LDLRAD3: variants seen among roughly 807,000 people sequenced by gnomAD.
The protein encoded by LDLRAD3 is low-density lipoprotein receptor class A domain-containing protein 3.
In LDLRAD3, 20 loss-of-function variants were observed where a neutral mutation model predicts 29.4. That is an observed-to-expected ratio of 0.68 (90% CI 0.48 to 0.99). The LOEUF is 0.99. Among genes scored for constraint, LDLRAD3 ranks in the 50% least tolerant of loss-of-function variants. The pLI is 0.00. For synonymous variants in LDLRAD3, 157 were observed against 192.7 expected (o/e 0.81, Z 1.53); for missense variants, 420 against 454.3 (o/e 0.92, Z 0.69).
chr11:36,107,203 TC>T (rs1355824642), intron 4 of LDLRAD3, among the ~76,000 whole-genome samples: 27 of 151,880 alleles, frequency 1.8e-4, no homozygotes, highest in Non-Finnish European at 2.9e-4. Flanking sequence ...TTTTTCTTTT[TC>T]TTTTTTTTTT....
At position 36,141,881 on chromosome 11, in the gene LDLRAD3, C is replaced by G. The variant is rs149994130; in HGVS notation, c.454+43420C>G. Among the ~76,000 whole-genome samples, 308 of 152,324 alleles carry G rather than the reference C, an allele frequency of 2.0e-3. 2 individuals carry two copies. The highest frequency in any genetic ancestry group is 6.8e-3 in the African/African-American group (284 of 41,570). On this transcript the variant is annotated intron_variant, in intron 4 of 5. Transcript: ENST00000315571. ...GCTAAAACACAGTGCATAGCCTCAT[C>G]TGCATTTCTGAAGGCAATAAATTCC...
intron 4 of LDLRAD3, among the ~76,000 whole-genome samples, chr11:36,098,872 C>T (rs960166711): frequency 6.6e-6 from 1 of 152,158 alleles, no homozygotes; most frequent in East Asian, 1.9e-4. Flanking sequence ...TGTTACACCT[C>T]AGCATGCAGC....
intron 1 of LDLRAD3, among the ~76,000 whole-genome samples, chr11:35,985,764 A>G (rs558610591): frequency 1.4e-3 from 211 of 151,866 alleles, no homozygotes; most frequent in Non-Finnish European, 2.4e-3. Context: ...ACCATGTAAG[A>G]TGTGCCTTTG....
intron 1 of LDLRAD3, among the ~76,000 whole-genome samples, chr11:36,015,682 C>T (rs1413264075): frequency 6.6e-6 from 1 of 151,612 alleles, no homozygotes; most frequent in African/African-American, 2.4e-5. Context: ...ACTGTTCTGA[C>T]TTCCAACATC....
At chr11:35,956,088 A>G (rs181262701) in intron 1 of LDLRAD3, among the ~76,000 whole-genome samples, 244 of 152,380 alleles carry the variant, frequency 1.6e-3, no homozygotes, top group African/African-American at 5.6e-3. Flanking sequence ...GGAATTTACA[A>G]GAGCAGCTTC....
chr11:36,054,761 GGATGGATGGATA>G (rs1378039397), intron 2 of LDLRAD3, among the ~76,000 whole-genome samples: 1 of 151,390 alleles, frequency 6.6e-6, no homozygotes, highest in Non-Finnish European at 1.5e-5. Flanking sequence ...ATGCTTGGAT[GGATGGATGGATA>G]GATGGATGGA....
intron 4 of LDLRAD3, among the ~76,000 whole-genome samples, chr11:36,108,181 G>A (rs536926766): frequency 9.0e-4 from 136 of 151,822 alleles, no homozygotes; most frequent in Non-Finnish European, 1.6e-3. Flanking sequence ...TTAGCTGGGC[G>A]TGGTGGTGGG....
At chr11:35,946,538 G>A (rs986907764) in intron 1 of LDLRAD3, among the ~76,000 whole-genome samples, 36 of 152,124 alleles carry the variant, frequency 2.4e-4, no homozygotes, top group African/African-American at 8.7e-4. Flanking sequence ...AATGTATCCT[G>A]CGAGAGAGAC....
intron 4 of LDLRAD3, among the ~76,000 whole-genome samples, chr11:36,155,103 T>C (rs1854329378): frequency 6.6e-6 from 1 of 152,242 alleles, no homozygotes; most frequent in Non-Finnish European, 1.5e-5. Flanking sequence ...TGCCATCATT[T>C]GCTTTCTCAT....
intron 1 of LDLRAD3, among the ~76,000 whole-genome samples, chr11:35,987,065 G>A (rs7925431): frequency 0.063 from 9,576 of 152,190 alleles, 737 homozygotes; most frequent in African/African-American, 0.18. Flanking sequence ...TCTCATTCAC[G>A]GGGCTGCTTC....
intron 4 of LDLRAD3, among the ~76,000 whole-genome samples, chr11:36,195,402 A>G (rs1008218042): frequency 6.6e-6 from 1 of 152,214 alleles, no homozygotes; most frequent in Non-Finnish European, 1.5e-5. Flanking sequence ...ACACCTAACC[A>G]CTGTTTATAA....
chr11:36,159,676 G>A (rs1182606031), intron 4 of LDLRAD3, among the ~76,000 whole-genome samples: 2 of 151,346 alleles, frequency 1.3e-5, no homozygotes, highest in Non-Finnish European at 2.9e-5. Context: ...GGGAAGCTGA[G>A]GTGGGAGGAT....
chr11:36,018,081 A>C (rs188716475), intron 1 of LDLRAD3, among the ~76,000 whole-genome samples: 1 of 152,180 alleles, frequency 6.6e-6, no homozygotes, highest in East Asian at 1.9e-4. Flanking sequence ...TTTTTTCCTC[A>C]AAAGTTGATG....
intron 4 of LDLRAD3, among the ~76,000 whole-genome samples, chr11:36,130,635 A>G (rs995012151): frequency 6.6e-6 from 1 of 151,920 alleles, no homozygotes; most frequent in African/African-American, 2.4e-5. Flanking sequence ...GTTCTCCTCA[A>G]CCCTGGTCTG....
At chr11:36,092,555 T>G (rs746095708) in intron 3 of LDLRAD3, among the ~76,000 whole-genome samples, 2 of 152,220 alleles carry the variant, frequency 1.3e-5, no homozygotes, top group African/African-American at 2.4e-5. Flanking sequence ...CTCTGTTATC[T>G]ATTTTTCCAC....
At chr11:36,010,589 A>G (rs1851943056) in intron 1 of LDLRAD3, among the ~76,000 whole-genome samples, 1 of 152,116 alleles carries the variant, frequency 6.6e-6, no homozygotes, top group South Asian at 2.1e-4. Flanking sequence ...CTCCTTGTGT[A>G]TAAAGTTAAG....
chr11:36,001,809 G>A (rs770850171), intron 1 of LDLRAD3, among the ~76,000 whole-genome samples: 26 of 148,582 alleles, frequency 1.7e-4, no homozygotes, highest in Non-Finnish European at 3.6e-4. Context: ...AATTTGTAAC[G>A]TTCTTTTTAA....
rs573676766 is a variant in LDLRAD3, at chr11:36,202,350, A to G, written c.455-24735A>G. ...ACTGCGCCTGGCAGGGGACATCTTT[A>G]TCTATAATGCAGGATGTAGGAATTG... On this transcript the variant is annotated intron_variant, in intron 4 of 5. Transcript: ENST00000315571. Among the ~76,000 whole-genome samples the G allele has an allele frequency of 8.5e-5, 13 of 152,228 alleles. No homozygotes were observed. The South Asian group carries it at 2.3e-3, about 27-fold the overall frequency.
chr11:35,945,921 G>A (rs1359224031), intron 1 of LDLRAD3, among the ~76,000 whole-genome samples: 1 of 152,180 alleles, frequency 6.6e-6, no homozygotes, highest in Non-Finnish European at 1.5e-5. Flanking sequence ...TCATAGCAAG[G>A]AGCAGACGGA....
Sources: allele counts gnomAD v4.1 joint callset (sites outside exome capture counted in the v4.1 genomes callset), GRCh38; gene constraint gnomAD v4.1.1; transcripts MANE v1.5; gene names NCBI Gene and HGNC (gene_info 2026-07-23, HGNC 2026-07-21).